ARHGEF3: variants seen among roughly 807,000 people sequenced by gnomAD.
ARHGEF3 encodes the protein Rho guanine nucleotide exchange factor 3, also known as 59.8 kDA protein.
ARHGEF3 carries 28 observed loss-of-function variants against 63.2 expected under a neutral mutation model. The ratio of observed to expected loss-of-function variants is 0.44; its 90% CI spans 0.33 to 0.61. The LOEUF (loss-of-function observed/expected upper bound fraction) is 0.61, where lower values mean the gene tolerates loss of function less well. Ranked by LOEUF, ARHGEF3 falls within the 20% of genes least tolerant of loss-of-function variation. The pLI is 0.03. For missense variants in ARHGEF3, 533 were observed against 659.3 expected (o/e 0.81, Z 2.10); for synonymous variants, 266 against 254.2 (o/e 1.05, Z -0.44).
intron 1 of ARHGEF3, among the ~76,000 whole-genome samples, chr3:57,058,049 C>T (rs1305082570): frequency 6.6e-6 from 1 of 152,182 alleles, no homozygotes; most frequent in Non-Finnish European, 1.5e-5. Flanking sequence ...ACCCTTCAGT[C>T]GTGTCCTTGC....
chr3:56,958,670 C>T (rs1229640499), intron 3 of ARHGEF3, among the ~76,000 whole-genome samples: 1 of 152,128 alleles, frequency 6.6e-6, no homozygotes, highest in Non-Finnish European at 1.5e-5. Context: ...ACCACTGATT[C>T]AAGTGTGACT....
chr3:56,819,719 C>T (rs2038403590), intron 4 of ARHGEF3, among the ~76,000 whole-genome samples: 1 of 151,816 alleles, frequency 6.6e-6, no homozygotes. Flanking sequence ...GGGGGTCTTA[C>T]TACGTTGCCT....
At chr3:56,871,437 AAAAAACT>A (rs1484707455) in intron 4 of ARHGEF3, among the ~76,000 whole-genome samples, 6 of 151,932 alleles carry the variant, frequency 3.9e-5, no homozygotes, top group East Asian at 3.9e-4. Context: ...ATGAAGCATT[AAAAAACT>A]AAAAACTAAA....
chr3:56,902,919 G>A (rs1235191885), intron 3 of ARHGEF3, among the ~76,000 whole-genome samples: 2 of 152,156 alleles, frequency 1.3e-5, no homozygotes, highest in African/African-American at 4.8e-5. Flanking sequence ...GACCCAAGTA[G>A]CCCCAAATGA....
intron 2 of ARHGEF3, among the ~76,000 whole-genome samples, chr3:56,985,369 G>A (rs370230773): frequency 3.1e-4 from 48 of 152,382 alleles, no homozygotes; most frequent in Non-Finnish European, 6.6e-4. Flanking sequence ...GATTGCAGGC[G>A]TGAGCCACCG....
chr3:56,964,050 C>T (rs928703171), intron 2 of ARHGEF3, among the ~76,000 whole-genome samples: 5 of 152,132 alleles, frequency 3.3e-5, no homozygotes, highest in South Asian at 2.1e-4. Context: ...TCATAAATTA[C>T]GGGAAAAAAG....
intron 3 of ARHGEF3, among the ~76,000 whole-genome samples, chr3:56,921,012 A>ACG (rs2042117327): frequency 4.6e-5 from 6 of 130,572 alleles, no homozygotes; most frequent in Admixed American, 9.4e-5. Flanking sequence ...CCGAGATTGC[A>ACG]CCACTGCACT....
At chr3:57,024,690 C>A (rs879907538) in intron 2 of ARHGEF3, among the ~76,000 whole-genome samples, 6 of 152,088 alleles carry the variant, frequency 3.9e-5, no homozygotes, top group Non-Finnish European at 5.9e-5. Context: ...GGTTTCACCA[C>A]GTCAGCCAGG....
intron 2 of ARHGEF3, among the ~76,000 whole-genome samples, chr3:57,011,563 C>T (rs921950840): frequency 6.6e-6 from 1 of 152,098 alleles, no homozygotes; most frequent in Non-Finnish European, 1.5e-5. Context: ...CAGCCCCCCA[C>T]CTTCCCCCGC....
chr3:56,844,155 T>C (rs770513676), intron 4 of ARHGEF3, among the ~76,000 whole-genome samples: 3 of 152,238 alleles, frequency 2.0e-5, no homozygotes, highest in Admixed American at 6.5e-5. Flanking sequence ...CAGTGCAGAA[T>C]ACAAATATGT....
intron 2 of ARHGEF3, among the ~76,000 whole-genome samples, chr3:56,985,108 G>A (rs1035830689): frequency 6.6e-6 from 1 of 152,180 alleles, no homozygotes; most frequent in African/African-American, 2.4e-5. Flanking sequence ...ATTTTTTTGA[G>A]ACAGAGTCTC....
chr3:56,926,320 G>T (rs2042274189), intron 3 of ARHGEF3, among the ~76,000 whole-genome samples: 1 of 152,202 alleles, frequency 6.6e-6, no homozygotes, highest in African/African-American at 2.4e-5. Flanking sequence ...TGAGATGCTT[G>T]GAGCCAAGGA....
chr3:56,925,445 C>G (rs2042250900), intron 3 of ARHGEF3, among the ~76,000 whole-genome samples: 1 of 152,176 alleles, frequency 6.6e-6, no homozygotes. Context: ...TCTATAGGAC[C>G]ATGCCTTATA....
chr3:56,866,596 A>C (rs1162202959), intron 4 of ARHGEF3, among the ~76,000 whole-genome samples: 3 of 152,190 alleles, frequency 2.0e-5, no homozygotes, highest in African/African-American at 7.2e-5. Flanking sequence ...CTCATATTTC[A>C]ATGTAACAGC....
At chr3:57,014,383 C>T (rs781207794) in intron 2 of ARHGEF3, among the ~76,000 whole-genome samples, 3 of 152,128 alleles carry the variant, frequency 2.0e-5, no homozygotes, top group East Asian at 1.9e-4. Flanking sequence ...TTCCAAACCA[C>T]GCCCCTTCCA....
In ARHGEF3 at chr3:56,920,440, A is replaced by G. The variant is rs555916335; in HGVS notation, c.130-38086T>C. 5.4e-4 allele frequency among the ~76,000 whole-genome samples: 82 copies of G among 152,188 alleles called. 1 individual carries two copies. The highest frequency in any genetic ancestry group is 9.1e-4 in the Non-Finnish European group (62 of 68,030). On this transcript the variant is annotated intron_variant, in intron 3 of 12. Transcript: ENST00000338458. Reference sequence around the variant, plus strand: ...ATATCTGAGGGTATTTTCTGTTGAGAAGTTCCAAGCAATTTCCTTACCAAA... The same window carrying G: ...ATATCTGAGGGTATTTTCTGTTGAGGAGTTCCAAGCAATTTCCTTACCAAA...
chr3:56,814,686 G>A (rs780439879), intron 4 of ARHGEF3, among the ~76,000 whole-genome samples: 8 of 151,186 alleles, frequency 5.3e-5, no homozygotes, highest in Non-Finnish European at 1.0e-4. Flanking sequence ...AATGAATTAA[G>A]GAAAAAAGGT....
At position 56,974,395 on chromosome 3, in the gene ARHGEF3, A is replaced by T. The variant is rs375572238; in HGVS notation, c.63-15506T>A. 1.4e-4 allele frequency among the ~76,000 whole-genome samples: 21 copies of T among 152,332 alleles called. No homozygotes were observed. The East Asian group carries it at 1.9e-3, about 14-fold the overall frequency. ...TTCTTCAGCATACACACACAAAAAA[A>T]GTGTTTCCCAGTTACTACCTCATTT... is the stretch of plus-strand genomic sequence containing the variant. On this transcript the variant is annotated intron_variant, in intron 2 of 12. Coordinates refer to the ARHGEF3 transcript ENST00000338458.
At chr3:56,837,270 CAA>C (rs1369460407) in intron 4 of ARHGEF3, among the ~76,000 whole-genome samples, 1 of 152,132 alleles carries the variant, frequency 6.6e-6, no homozygotes, top group South Asian at 2.1e-4. Flanking sequence ...AGGGAGCAAG[CAA>C]AGAGTCCAGA....
Sources: allele counts gnomAD v4.1 joint callset (sites outside exome capture counted in the v4.1 genomes callset), GRCh38; gene constraint gnomAD v4.1.1; transcripts MANE v1.5; gene names NCBI Gene and HGNC (gene_info 2026-07-23, HGNC 2026-07-21).